The following THNSL1 variants were observed in gnomAD, a reference collection of about 807,000 sequenced individuals.
THNSL1 encodes threonine synthase like 1.
In THNSL1, 48 loss-of-function variants were observed where a neutral mutation model predicts 50.4. The ratio of observed to expected loss-of-function variants is 0.95; its 90% CI spans 0.76 to 1.21. The LOEUF (loss-of-function observed/expected upper bound fraction) is 1.21. Ranked by LOEUF, THNSL1 falls within the 50% of genes most tolerant of loss-of-function variation. The pLI is 0.00. For synonymous variants in THNSL1, 309 were observed against 306.1 expected, an observed-to-expected ratio of 1.01 and a Z score of -0.10; for missense variants, 896 against 871.7, an observed-to-expected ratio of 1.03 and a Z score of -0.35.
Position 25,023,200 on chromosome 10 carries a change from C to A in THNSL1, c.-24C>A. On this transcript the variant is annotated 5_prime_UTR_variant, in exon 3 of 3. Transcript: ENST00000376356. Reference sequence around the variant, plus strand: ...GGGCTAAAGCCAATTTTTAGGTTGGCTTGGGCAGAAAAGTGAAAAGAGAAT... The same window carrying A: ...GGGCTAAAGCCAATTTTTAGGTTGGATTGGGCAGAAAAGTGAAAAGAGAAT... 1 of 1,584,332 alleles carries A rather than the reference C, an allele frequency of 6.3e-7. No homozygotes were observed.
the THNSL1 span, among the ~76,000 whole-genome samples, chr10:24,969,263 G>A: frequency 6.6e-6 from 1 of 152,166 alleles, no homozygotes; most frequent in Non-Finnish European, 1.5e-5. Flanking sequence ...CTACTCCTTT[G>A]GCTGTGAAGA....
At chr10:25,021,086 C>T (rs1342303044) in intron 1 of THNSL1, among the ~76,000 whole-genome samples, 2 of 152,170 alleles carry the variant, frequency 1.3e-5, no homozygotes, top group African/African-American at 4.8e-5. Flanking sequence ...CCACGGTATT[C>T]TCTGAAGGTT....
At chr10:24,974,310 TA>T in the THNSL1 span, among the ~76,000 whole-genome samples, 6,968 of 152,242 alleles carry the variant, frequency 0.046, 479 homozygotes, top group African/African-American at 0.15. Context: ...CTATATAGTT[TA>T]AAAATCTATT....
At chr10:25,023,144 G>C (rs959743209) in intron 2 of THNSL1, 32 bp from the exon 3 acceptor site, 6 of 1,388,726 alleles carry the variant, frequency 4.3e-6, no homozygotes, top group Non-Finnish European at 4.9e-6. Context: ...ATTATCTTTT[G>C]TTGTTTTTTG....
the THNSL1 span, among the ~76,000 whole-genome samples, chr10:24,992,324 G>A: frequency 6.6e-6 from 1 of 152,088 alleles, no homozygotes; most frequent in Non-Finnish European, 1.5e-5. Flanking sequence ...AAAATAATAG[G>A]GGCTATTTTA....
the THNSL1 span, chr10:24,952,547 T>G: frequency 6.3e-7 from 1 of 1,591,584 alleles, no homozygotes; most frequent in Non-Finnish European, 8.6e-7. This position sits in a 1 kb window ranked among gnomAD's most constrained non-coding sequence, Gnocchi z 5.1. Flanking sequence ...TCGCCCGTAG[T>G]CTGGCGCCTC....
rs372900675 is a variant in THNSL1 at position 25,025,127 on chromosome 10, C to G, written c.1904C>G (p.Ser635Ter). The G allele has an allele frequency of 6.2e-7, 1 of 1,614,024 alleles. No individual in the cohort carries two copies. Among genetic ancestry groups the G allele is most frequent in the Non-Finnish European group, 8.5e-7 (1 of 1,180,012 alleles). Reference sequence around the variant, plus strand: ...GCTATTAACTCCACCTATAATACTTCAGGGTATATTTTGGATCCACACACT... The same window carrying G: ...GCTATTAACTCCACCTATAATACTTGAGGGTATATTTTGGATCCACACACT... ...LAAINSTYNT[S>*]GYILDPHTAV... The change falls in exon 3 of 3, where the codon TCA becomes TGA. Residue 635 changes from serine to a stop codon, truncating the protein, a stop_gained. Transcript: ENST00000376356. LOFTEE classifies it high-confidence loss of function.
chr10:25,001,428 T>C, the THNSL1 span, among the ~76,000 whole-genome samples: 2 of 152,230 alleles, frequency 1.3e-5, no homozygotes, highest in East Asian at 3.9e-4. Context: ...TGAGATTTCA[T>C]CAAATTTGAC....
chr10:24,975,585 T>A, the THNSL1 span, among the ~76,000 whole-genome samples: 4 of 152,172 alleles, frequency 2.6e-5, no homozygotes. Flanking sequence ...CTCATGATAG[T>A]GAGTTCTCGT....
chr10:24,997,636 G>A, the THNSL1 span, among the ~76,000 whole-genome samples: 29 of 152,024 alleles, frequency 1.9e-4, no homozygotes, highest in Non-Finnish European at 2.9e-4. Context: ...CAGTCCTCCT[G>A]TCTTGGCCTC....
the THNSL1 span, among the ~76,000 whole-genome samples, chr10:25,009,891 A>G: frequency 6.6e-6 from 1 of 152,176 alleles, no homozygotes; most frequent in East Asian, 1.9e-4. Context: ...AGCCATGTGG[A>G]ACTGCGAGTC....
chr10:25,016,962 C>T (rs1157368582), intron 1 of THNSL1, among the ~76,000 whole-genome samples: 1 of 152,198 alleles, frequency 6.6e-6, no homozygotes, highest in African/African-American at 2.4e-5. Flanking sequence ...CAGCCCTGCC[C>T]GCCACGTGTG....
the THNSL1 span, among the ~76,000 whole-genome samples, chr10:24,969,028 G>A: frequency 6.6e-6 from 1 of 152,138 alleles, no homozygotes; most frequent in Non-Finnish European, 1.5e-5. Flanking sequence ...AGAGTAGCTG[G>A]GATTACAAGT....
chr10:25,000,397 T>C, the THNSL1 span, among the ~76,000 whole-genome samples: 1 of 152,176 alleles, frequency 6.6e-6, no homozygotes, highest in Admixed American at 6.5e-5. Flanking sequence ...CTACTAATTA[T>C]TGAAAGAGAG....
rs574840468 is a variant in THNSL1 at position 25,018,872 on chromosome 10, G to T, written c.-216+2180G>T. ...ATATGTCTAACAGCAGAAGTCTAAC[G>T]GCAGAAAAAGCTTAGTCAGCTTTGA... On this transcript the variant is annotated intron_variant, in intron 1 of 2. Transcript: ENST00000376356. 6.6e-5 allele frequency among the ~76,000 whole-genome samples: 10 copies of T among 152,116 alleles called. No individual in the cohort carries two copies. The South Asian group carries it at 2.1e-3, about 32-fold the overall frequency.
chr10:24,986,644 A>C, the THNSL1 span, among the ~76,000 whole-genome samples: 1 of 152,196 alleles, frequency 6.6e-6, no homozygotes, highest in African/African-American at 2.4e-5. Flanking sequence ...TATTACTTGC[A>C]GTCACAGCAG....
intron 1 of THNSL1, among the ~76,000 whole-genome samples, chr10:25,018,657 T>TGG: frequency 9.3e-6 from 1 of 107,488 alleles, no homozygotes; most frequent in African/African-American, 3.1e-5. Flanking sequence ...CAAATGAGAG[T>TGG]TGTTTTTTTT....
At position 25,025,002 on chromosome 10, in the gene THNSL1, A is replaced by G; in HGVS notation, c.1779A>G (p.Arg593=). 6.2e-7 allele frequency: 1 copy of G among 1,614,224 alleles called. No individual in the cohort carries two copies. The highest frequency in any genetic ancestry group is 8.5e-7 in the Non-Finnish European group (1 of 1,180,042). The change falls in exon 3 of 3, where the codon CGA becomes CGG. Residue 593 remains arginine, a synonymous_variant. Transcript: ENST00000376356. ...DGQLMTELFN[R]LESQHHFQIE... ...AGCTAATGACAGAATTATTTAATCGATTAGAAAGTCAGCATCATTTCCAGA... is the reference window on the plus strand; with the variant it reads ...AGCTAATGACAGAATTATTTAATCGGTTAGAAAGTCAGCATCATTTCCAGA...
At chr10:24,984,604 T>C in the THNSL1 span, 1 of 1,088,730 alleles carries the variant, frequency 9.2e-7, no homozygotes, top group Admixed American at 3.0e-5. Context: ...GCATATTGCC[T>C]AAGCATTCTG....
Sources: allele counts gnomAD v4.1 joint callset (sites outside exome capture counted in the v4.1 genomes callset), GRCh38; gene constraint gnomAD v4.1.1; non-coding constraint Gnocchi (gnomAD v3.1); transcripts MANE v1.5; gene names NCBI Gene and HGNC (gene_info 2026-07-23, HGNC 2026-07-21).